The following CES5A variants were observed in gnomAD, a reference collection of about 807,000 sequenced individuals.
The protein encoded by CES5A is carboxylesterase 5A.
In CES5A, 67 loss-of-function variants were observed where a neutral mutation model predicts 62.9. That is an observed-to-expected ratio of 1.07 (90% CI 0.88 to 1.31). CES5A has a LOEUF of 1.31. CES5A is among the 50% of genes most tolerant of loss of function. The pLI is 0.00. For synonymous variants in CES5A, 296 were observed against 280.8 expected, an observed-to-expected ratio of 1.05 and a Z score of -0.54; for missense variants, 748 against 708.5, an observed-to-expected ratio of 1.06 and a Z score of -0.63.
chr16:55,908,906 GC>G (rs1189064645), intron 1 of CES5A, among the ~76,000 whole-genome samples: 1 of 152,222 alleles, frequency 6.6e-6, no homozygotes, highest in African/African-American at 2.4e-5. Flanking sequence ...CTTCTCAGGG[GC>G]TGAGGGCTGA....
chr16:55,873,481 A>G (rs2033635712), intron 2 of CES5A, among the ~76,000 whole-genome samples: 1 of 152,176 alleles, frequency 6.6e-6, no homozygotes, highest in African/African-American at 2.4e-5. Context: ...CCTTCTGACC[A>G]AAGGACTCAG....
intron 1 of CES5A, among the ~76,000 whole-genome samples, chr16:55,886,218 G>A (rs773684963): frequency 5.3e-5 from 8 of 152,166 alleles, no homozygotes; most frequent in Non-Finnish European, 1.2e-4. Context: ...ATACTTGGTT[G>A]CCACTTTAAA....
At chr16:55,917,938 C>T (rs1165583812) in intron 1 of CES5A, among the ~76,000 whole-genome samples, 1 of 152,180 alleles carries the variant, frequency 6.6e-6, no homozygotes, top group Non-Finnish European at 1.5e-5. Context: ...GTGCTGTCAA[C>T]TGGATAAGTT....
upstream of CES5A, among the ~76,000 whole-genome samples, chr16:55,876,243 A>C (rs754986898): frequency 2.6e-5 from 4 of 152,202 alleles, no homozygotes; most frequent in Non-Finnish European, 5.9e-5. Context: ...CAAATTGACT[A>C]TCAATTTACT....
intron 1 of CES5A, among the ~76,000 whole-genome samples, chr16:55,885,084 T>G (rs2033800841): frequency 1.3e-5 from 2 of 152,204 alleles, no homozygotes. Flanking sequence ...TGTCTCTCAT[T>G]ATCCTTCTGC....
chr16:55,852,252 G>A (rs2033147765), intron 10 of CES5A, among the ~76,000 whole-genome samples: 1 of 151,388 alleles, frequency 6.6e-6, no homozygotes, highest in African/African-American at 2.4e-5. Context: ...AAAAGAGTAT[G>A]CCATTTCATT....
At chr16:55,908,570 A>T (rs1441916036) in intron 1 of CES5A, among the ~76,000 whole-genome samples, 1 of 152,004 alleles carries the variant, frequency 6.6e-6, no homozygotes. Context: ...ATGTTGGTCA[A>T]ACTGGTCTCG....
At chr16:55,907,639 G>A (rs1189267569) in intron 1 of CES5A, among the ~76,000 whole-genome samples, 1 of 152,182 alleles carries the variant, frequency 6.6e-6, no homozygotes, top group African/African-American at 2.4e-5. Flanking sequence ...AGGCCCTCAG[G>A]GAAGGGGCAG....
chr16:55,939,875 G>A (rs1288912635), intron 2 of CES5A, among the ~76,000 whole-genome samples: 2 of 151,648 alleles, frequency 1.3e-5, no homozygotes, highest in African/African-American at 2.4e-5. Flanking sequence ...AAAACAAGAG[G>A]AAAATATCTA....
chr16:55,907,702 GC>G, intron 1 of CES5A, among the ~76,000 whole-genome samples: 1 of 152,220 alleles, frequency 6.6e-6, no homozygotes, highest in Non-Finnish European at 1.5e-5. Context: ...TCTCAGGTGA[GC>G]CCCCCACAGC....
intron 1 of CES5A, among the ~76,000 whole-genome samples, chr16:55,954,729 C>T (rs2034591449): frequency 6.6e-6 from 1 of 152,062 alleles, no homozygotes; most frequent in African/African-American, 2.4e-5. Flanking sequence ...GGGGGAAGGC[C>T]CCTCACAAAA....
chr16:55,869,041 G>A (rs543244581), intron 4 of CES5A, among the ~76,000 whole-genome samples: 2 of 152,244 alleles, frequency 1.3e-5, no homozygotes, highest in Non-Finnish European at 2.9e-5. Flanking sequence ...ATTCTCAGGT[G>A]AGCATTCGAG....
At chr16:55,879,859 C>T (rs1255090193), upstream of CES5A, among the ~76,000 whole-genome samples, 1 of 152,216 alleles carries the variant, frequency 6.6e-6, no homozygotes, top group African/African-American at 2.4e-5. Flanking sequence ...TCCCAAAGCT[C>T]TGGGATTACA....
At chr16:55,853,382 A>G (rs1481709439) in intron 9 of CES5A, among the ~76,000 whole-genome samples, 4 of 152,220 alleles carry the variant, frequency 2.6e-5, no homozygotes, top group African/African-American at 2.4e-5. Flanking sequence ...GTAAAAACAT[A>G]AACTGCTTGT....
At chr16:55,862,732 A>G (rs1208326395) in intron 6 of CES5A, among the ~76,000 whole-genome samples, 4 of 152,252 alleles carry the variant, frequency 2.6e-5, no homozygotes, top group Non-Finnish European at 4.4e-5. Flanking sequence ...TGCTTAATTA[A>G]TATGCATTGA....
chr16:55,854,534 T>TCTGTTTTCTTTC (rs1555479321), intron 9 of CES5A, among the ~76,000 whole-genome samples: 229 of 11,450 alleles, frequency 0.02, 21 homozygotes, highest in South Asian at 0.16. Flanking sequence ...AGTGTTTCTT[T>TCTGTTTTCTTTC]TTTTTTTTTC....
intron 11 of CES5A, 110 bp downstream of exon 11, chr16:55,849,514 T>C: frequency 8.4e-7 from 1 of 1,186,630 alleles, no homozygotes; most frequent in Non-Finnish European, 1.2e-6. Context: ...TGTCCGCCTA[T>C]AAACCACAGA....
At position 55,846,493 on chromosome 16, in the gene CES5A, G is replaced by A; in HGVS notation, c.1686C>T (p.Phe562=). Residue 562 remains phenylalanine (F), a synonymous_variant, in exon 13 of 13, where the codon TTC becomes TTT. Transcript: ENST00000290567. ...AAAAGAAAGGCTGGAGGAGAGAGAG[G>A]AAAGTTAAGGAAGAAAGAGGACTGT... The part of the protein sequence containing the change: ...MLHSPLSSLT[F]LSLLQPFFFF... 1.2e-6 allele frequency: 2 copies of A among 1,613,394 alleles called. No homozygotes were observed. The highest frequency in any genetic ancestry group is 1.3e-5 in the African/African-American group (1 of 75,036).
chr16:55,890,502 G>A (rs1275206433), intron 1 of CES5A, among the ~76,000 whole-genome samples: 2 of 151,590 alleles, frequency 1.3e-5, no homozygotes, highest in African/African-American at 4.8e-5. Context: ...AAAAAAGTAG[G>A]GAATACTTCC....
Sources: gnomAD v4.1 joint callset for allele counts (sites outside exome capture counted in the v4.1 genomes callset) on GRCh38, gnomAD v4.1.1 for gene constraint, MANE v1.5 for transcripts, NCBI Gene and HGNC (gene_info 2026-07-23, HGNC 2026-07-21) for gene names.